ZNF407: variants seen among roughly 807,000 people sequenced by gnomAD.
ZNF407 encodes zinc finger protein 407.
Under a neutral mutation model 131.2 loss-of-function variants are expected in ZNF407, and 17 were observed. The observed-to-expected ratio is 0.13, with a 90% confidence interval of 0.09 to 0.19. The LOEUF is 0.19. Ranked by LOEUF, ZNF407 falls within the 10% of genes least tolerant of loss-of-function variation. The pLI is 1.00. For synonymous variants in ZNF407, 1,156 were observed against 1,062.0 expected, an observed-to-expected ratio of 1.09 and a Z score of -1.72; for missense variants, 2,681 against 2,830.6, an observed-to-expected ratio of 0.95 and a Z score of 1.20.
intron 4 of ZNF407, among the ~76,000 whole-genome samples, chr18:74,786,244 A>G (rs555179827): frequency 6.6e-6 from 1 of 152,318 alleles, no homozygotes; most frequent in South Asian, 2.1e-4. Flanking sequence ...TCTATAAGGT[A>G]AATACTGTTA....
Position 74,835,307 on chromosome 18 carries a change from A to T in ZNF407, c.4878-41890A>T, listed in dbSNP as rs192182490. ...TTTCCTTCGTGCCACTTTCTCTCTCACTATTGGAAGGGAAGACGGTTCAGT... is the reference window on the plus strand; with the variant it reads ...TTTCCTTCGTGCCACTTTCTCTCTCTCTATTGGAAGGGAAGACGGTTCAGT... On this transcript the variant is annotated intron_variant, in intron 4 of 8. Transcript: ENST00000299687. Among the ~76,000 whole-genome samples the T allele has an allele frequency of 7.2e-4, 109 of 152,206 alleles. 1 individual carries two copies. In the South Asian group the frequency reaches 9.1e-3, roughly 13 times the overall value.
intron 3 of ZNF407, among the ~76,000 whole-genome samples, chr18:74,683,111 G>A (rs768555408): frequency 2.3e-4 from 35 of 152,160 alleles, no homozygotes; most frequent in Non-Finnish European, 3.2e-4. Context: ...AGGGTAGAAA[G>A]CAGTTTTATG....
intron 4 of ZNF407, among the ~76,000 whole-genome samples, chr18:74,865,743 T>G (rs1568246917): frequency 6.6e-6 from 1 of 152,242 alleles, no homozygotes; most frequent in Non-Finnish European, 1.5e-5. Flanking sequence ...AAATCTGTTT[T>G]GTAAAAAATT....
intron 8 of ZNF407, among the ~76,000 whole-genome samples, chr18:75,020,966 T>C (rs570773072): frequency 5.2e-4 from 79 of 152,270 alleles, no homozygotes; most frequent in African/African-American, 1.8e-3. Context: ...TTGCTCACTG[T>C]GCTCCAGACC....
intron 3 of ZNF407, among the ~76,000 whole-genome samples, chr18:74,742,784 C>G (rs1411386465): frequency 6.6e-6 from 1 of 152,134 alleles, no homozygotes; most frequent in Non-Finnish European, 1.5e-5. Context: ...GGCCTCTTGT[C>G]TGCTTAGTCC....
At chr18:74,755,767 TTCTTTC>T (rs1322511614) in intron 3 of ZNF407, among the ~76,000 whole-genome samples, 312 of 129,070 alleles carry the variant, frequency 2.4e-3, no homozygotes, top group African/African-American at 9.6e-3. Flanking sequence ...CTTTCTTTCT[TTCTTTC>T]TCTCTCTCTC....
intron 4 of ZNF407, among the ~76,000 whole-genome samples, chr18:74,789,488 G>T (rs780698917): frequency 2.0e-5 from 3 of 152,162 alleles, no homozygotes; most frequent in Admixed American, 6.5e-5. Flanking sequence ...GAGAATATGG[G>T]CATATCAGGA....
chr18:74,785,758 G>GT (rs1322689073), intron 4 of ZNF407, among the ~76,000 whole-genome samples: 2 of 147,900 alleles, frequency 1.4e-5, no homozygotes, highest in Non-Finnish European at 3.0e-5. Context: ...CACCTGGCAT[G>GT]CAGATGTCAC....
intron 4 of ZNF407, among the ~76,000 whole-genome samples, chr18:74,858,361 G>T (rs1970889441): frequency 1.3e-5 from 2 of 151,924 alleles, no homozygotes; most frequent in Admixed American, 1.3e-4. Context: ...TTTTGCTGTT[G>T]CAGTGGTCAT....
chr18:74,999,512 C>G (rs1972820775), intron 8 of ZNF407, among the ~76,000 whole-genome samples: 1 of 152,046 alleles, frequency 6.6e-6, no homozygotes, highest in African/African-American at 2.4e-5. Context: ...GAACATATTT[C>G]TGAGAAAGAA....
chr18:74,967,650 A>C (rs1447913892), intron 8 of ZNF407, among the ~76,000 whole-genome samples: 1 of 152,230 alleles, frequency 6.6e-6, no homozygotes, highest in Non-Finnish European at 1.5e-5. Context: ...GCTCATTAGC[A>C]AACTAACTCT....
intron 8 of ZNF407, among the ~76,000 whole-genome samples, chr18:75,039,245 T>C (rs1973344603): frequency 6.6e-6 from 1 of 152,228 alleles, no homozygotes; most frequent in African/African-American, 2.4e-5. Context: ...CTAAACCTGT[T>C]CGATGTGTCA....
In ZNF407 at chr18:74,864,517, T is replaced by C. The variant is rs184294892; in HGVS notation, c.4878-12680T>C. 4.6e-3 allele frequency among the ~76,000 whole-genome samples: 697 copies of C among 152,304 alleles called. 7 individuals are homozygous for C. The highest frequency in any genetic ancestry group is 3.5e-3 in the Non-Finnish European group (237 of 68,018). On this transcript the variant is annotated intron_variant, in intron 4 of 8. Transcript: ENST00000299687. ...AATATGTCATTGGGAACATAACTTA[T>C]CAGAACACTTCTCTTCACATCCTGA...
chr18:74,691,854 G>A (rs1191823853), intron 3 of ZNF407, among the ~76,000 whole-genome samples: 1 of 152,154 alleles, frequency 6.6e-6, no homozygotes, highest in African/African-American at 2.4e-5. Flanking sequence ...AGCACTTTGG[G>A]AGGCCGAGGC....
intron 3 of ZNF407, among the ~76,000 whole-genome samples, chr18:74,746,661 G>A (rs1968675614): frequency 6.6e-6 from 1 of 151,650 alleles, no homozygotes. Flanking sequence ...TTCCATCTCT[G>A]TATCTTGTCT....
chr18:75,045,187 G>T (rs1032997355), intron 8 of ZNF407, among the ~76,000 whole-genome samples: 2 of 152,118 alleles, frequency 1.3e-5, no homozygotes, highest in African/African-American at 4.8e-5. Context: ...GCATGCACAC[G>T]TGTATGAAAA....
chr18:74,645,566 G>A (rs976211594), intron 3 of ZNF407, among the ~76,000 whole-genome samples: 1 of 151,868 alleles, frequency 6.6e-6, no homozygotes, highest in African/African-American at 2.4e-5. Flanking sequence ...GTATTAATGT[G>A]CTTATGAACT....
At chr18:75,056,537 G>A (rs1282339027) in intron 8 of ZNF407, among the ~76,000 whole-genome samples, 6 of 152,192 alleles carry the variant, frequency 3.9e-5, no homozygotes, top group African/African-American at 1.4e-4. Flanking sequence ...GGAACTTGAG[G>A]AAGTTCACAT....
At chr18:74,983,439 A>C (rs985488265) in intron 8 of ZNF407, among the ~76,000 whole-genome samples, 1 of 152,190 alleles carries the variant, frequency 6.6e-6, no homozygotes, top group Non-Finnish European at 1.5e-5. Context: ...TCACATGATA[A>C]ACTTGCGTAT....
Sources: allele counts gnomAD v4.1 joint callset (sites outside exome capture counted in the v4.1 genomes callset), GRCh38; gene constraint gnomAD v4.1.1; transcripts MANE v1.5; gene names NCBI Gene and HGNC (gene_info 2026-07-23, HGNC 2026-07-21).